Variants in BTK observed in about 807,000 individuals in gnomAD.
BTK encodes tyrosine-protein kinase BTK.
BTK carries 5 observed loss-of-function variants against 57.4 expected under a neutral mutation model. The observed-to-expected ratio is 0.09, with a 90% CI of 0.05 to 0.18. The LOEUF (loss-of-function observed/expected upper bound fraction) is 0.18, where lower values mean the gene tolerates loss of function less well. BTK is among the 10% of genes least tolerant of loss of function. The pLI, the probability that BTK is intolerant of heterozygous loss-of-function variation, is 1.00. For synonymous variants in BTK, 154 were observed against 174.3 expected (o/e 0.88, Z 0.92); for missense variants, 194 against 501.2 (o/e 0.39, Z 5.85).
At chrX:101,380,600 C>T (rs1555981599) in intron 1 of BTK, among the ~76,000 whole-genome samples, 1 of 111,091 alleles carries the variant, frequency 9.0e-6, no homozygotes, top group East Asian at 2.8e-4. Context: ...TAGTCTTCTC[C>T]CTCCATAGAG....
chrX:101,374,337 A>G (rs1603019387), intron 3 of BTK, 199 bp downstream of exon 3: 1 of 448,299 alleles, frequency 2.2e-6, no homozygotes, highest in Non-Finnish European at 3.9e-6. Context: ...CAAATTTTCC[A>G]TGTTTAGTGA....
chrX:101,350,702 C>T (rs1926257107), intron 18 of BTK, among the ~76,000 whole-genome samples: 1 of 111,318 alleles, frequency 9.0e-6, no homozygotes, highest in East Asian at 2.8e-4. Context: ...CCGCCTCAGC[C>T]TCCCAAAGTG....
upstream of BTK, among the ~76,000 whole-genome samples, chrX:101,390,181 C>T (rs1555982987): frequency 2.7e-5 from 3 of 111,811 alleles, no homozygotes; most frequent in African/African-American, 9.8e-5. Flanking sequence ...TTGTATGACA[C>T]AATCTATTTA....
At chrX:101,357,243 C>T (rs1926512719) in intron 13 of BTK, among the ~76,000 whole-genome samples, 1 of 111,642 alleles carries the variant, frequency 9.0e-6, no homozygotes, top group Non-Finnish European at 1.9e-5. Context: ...AGGGATAGTA[C>T]TGAAAATTTT....
chrX:101,371,639 G>A lies in BTK; in HGVS notation c.303C>T (p.Pro101=), dbSNP rs1383556662. 8.3e-7 allele frequency: 1 copy of A among 1,206,901 alleles called. No homozygotes were observed. Among genetic ancestry groups the A allele is most frequent in the Non-Finnish European group, 1.1e-6 (1 of 892,565 alleles). The change falls in exon 4 of 19, where the codon CCC becomes CCT. Residue 101 remains proline, a synonymous_variant. Transcript: ENST00000308731. The part of the protein sequence containing the change: ...QISIIERFPY[P]FQVVYDEGPL... ...GTGAGAGAAAATAACTCACCTGGAAGGGATAAGGGAACCTTTCAATGATTG... is the reference window on the plus strand; with the variant it reads ...GTGAGAGAAAATAACTCACCTGGAAAGGATAAGGGAACCTTTCAATGATTG...
intron 16 of BTK, 99 bp from the exon 17 acceptor site, chrX:101,354,087 G>A (rs962742749): frequency 9.4e-6 from 6 of 635,001 alleles, no homozygotes; most frequent in South Asian, 6.8e-5. Context: ...ACACACACAG[G>A]CTTTCTCAAA....
chrX:101,382,031 CAA>C (rs576652772), intron 1 of BTK, among the ~76,000 whole-genome samples: 7 of 54,556 alleles, frequency 1.3e-4, no homozygotes, highest in Admixed American at 2.4e-4. Flanking sequence ...GACTCCGTCT[CAA>C]AAAAAAAAAA....
chrX:101,351,305 T>C (rs1926281734), intron 18 of BTK, among the ~76,000 whole-genome samples: 2 of 112,443 alleles, frequency 1.8e-5, no homozygotes, highest in Non-Finnish European at 3.8e-5. Context: ...GTAATCTGCA[T>C]TTTTAAGAGC....
upstream of BTK, chrX:101,390,792 A>T: frequency 2.0e-6 from 1 of 494,307 alleles, no homozygotes; most frequent in Non-Finnish European, 3.4e-6. Flanking sequence ...AGATAAAGTG[A>T]CGAAACGTTG....
At chrX:101,385,805 G>C (rs1927590871) in intron 1 of BTK, among the ~76,000 whole-genome samples, 1 of 111,722 alleles carries the variant, frequency 9.0e-6, no homozygotes, top group Non-Finnish European at 1.9e-5. Context: ...TTTGCTACCT[G>C]TTCGGATGGT....
intron 4 of BTK, among the ~76,000 whole-genome samples, chrX:101,371,160 T>G (rs1394610644): frequency 4.5e-5 from 5 of 112,276 alleles, no homozygotes; most frequent in Non-Finnish European, 9.4e-5. Flanking sequence ...CCTAAACAGA[T>G]GCATATGTGG....
intron 18 of BTK, among the ~76,000 whole-genome samples, chrX:101,351,058 G>A (rs1926272375): frequency 9.0e-6 from 1 of 111,565 alleles, no homozygotes; most frequent in African/African-American, 3.3e-5. Context: ...TGCAGTGGCA[G>A]GATCTCGGCT....
Position 101,368,184 on chromosome X carries a change from A to G in BTK, c.391+1814T>C, listed in dbSNP as rs1201664415. On this transcript the variant is annotated intron_variant, in intron 5 of 18. Coordinates refer to ENST00000308731, the MANE Select transcript of BTK (RefSeq NM_000061.3). ...GATAACTGCCTCATATGGTTAATAC[A>G]AAGTTAATATATGTAAAGAACTTAA... 2.7e-5 allele frequency among the ~76,000 whole-genome samples: 3 copies of G among 112,165 alleles called. No individual in the cohort carries two copies. The Admixed American group carries it at 2.9e-4, about 11-fold the overall frequency.
chrX:101,380,446 T>C (rs1927372085), intron 1 of BTK, among the ~76,000 whole-genome samples: 1 of 111,338 alleles, frequency 9.0e-6, no homozygotes, highest in Non-Finnish European at 1.9e-5. Context: ...ATATTTCAAA[T>C]AGAAAGTACA....
At chrX:101,360,394 G>A (rs1373939930) in intron 8 of BTK, among the ~76,000 whole-genome samples, 174 bp downstream of exon 8, 1 of 112,259 alleles carries the variant, frequency 8.9e-6, no homozygotes. Context: ...ATGTGGCAGA[G>A]GCCATGTATA....
At chrX:101,354,898 C>G (rs1415389936) in intron 15 of BTK, among the ~76,000 whole-genome samples, 2 of 111,780 alleles carry the variant, frequency 1.8e-5, no homozygotes, top group African/African-American at 6.5e-5. Context: ...CTGTGTAGTC[C>G]TAGGTAAAGC....
chrX:101,362,534 A>G (rs782354471), intron 6 of BTK, 27 bp downstream of exon 6: 1 of 1,211,470 alleles, frequency 8.3e-7, no homozygotes, highest in South Asian at 1.8e-5. Context: ...CAAAGGAGAA[A>G]GAAATTATAT....
chrX:101,367,529 G>C lies in BTK; in HGVS notation c.391+2469C>G, dbSNP rs914849657. Among the ~76,000 whole-genome samples the C allele has an allele frequency of 4.6e-5, 5 of 108,893 alleles. No individual in the cohort carries two copies. The East Asian group carries it at 1.4e-3, about 31-fold the overall frequency. 94.6% of individuals were successfully genotyped at this position (108,893 alleles called of 115,157 possible). A position where few individuals can be genotyped will look rare whatever the true frequency, so the allele number is the denominator to read the frequency against. ...CAGGCGCCTGTCATCCCAACTACTC[G>C]GGAGGCTGAGGTAGGAGAATCGCTT... On this transcript the variant is annotated intron_variant, in intron 5 of 18. Coordinates refer to ENST00000308731, the MANE Select transcript of BTK (RefSeq NM_000061.3).
upstream of BTK, among the ~76,000 whole-genome samples, chrX:101,388,159 C>T (rs1927681672): frequency 8.9e-6 from 1 of 111,759 alleles, no homozygotes; most frequent in South Asian, 3.7e-4. Flanking sequence ...AGCCACCGTG[C>T]CCAGGCTCTT....
Sources: gnomAD v4.1 joint callset for allele counts (sites outside exome capture counted in the v4.1 genomes callset) on GRCh38, gnomAD v4.1.1 for gene constraint, MANE v1.5 for transcripts, NCBI Gene and HGNC (gene_info 2026-07-23, HGNC 2026-07-21) for gene names.